WWC2: variants seen among roughly 807,000 people sequenced by gnomAD.
The protein encoded by WWC2 is WW and C2 domain containing 2, also known as protein WWC2.
A neutral mutation model predicts 138.5 loss-of-function variants in WWC2; 101 were observed. The observed-to-expected ratio is 0.73, with a 90% confidence interval of 0.62 to 0.86. The LOEUF (loss-of-function observed/expected upper bound fraction) is 0.86, where lower values mean the gene tolerates loss of function less well. Ranked by LOEUF, WWC2 falls within the 40% of genes least tolerant of loss-of-function variation. The pLI is 0.00. For missense variants in WWC2, 1,420 were observed against 1,419.4 expected (o/e 1.00, Z -0.01); for synonymous variants, 558 against 538.4 (o/e 1.04, Z -0.50).
At chr4:183,284,552 G>A (rs891773942) in intron 19 of WWC2, among the ~76,000 whole-genome samples, 162 bp downstream of exon 19, 3 of 152,188 alleles carry the variant, frequency 2.0e-5, no homozygotes, top group African/African-American at 7.2e-5. Context: ...CGTGCTTATG[G>A]TCCCTTTTAG....
intron 1 of WWC2, among the ~76,000 whole-genome samples, chr4:183,191,882 A>G (rs940426698): frequency 1.3e-5 from 2 of 151,714 alleles, no homozygotes; most frequent in African/African-American, 4.8e-5. Flanking sequence ...CATGAGCCAC[A>G]ATGCCTGGCT....
chr4:183,298,433 G>A (rs991708809), intron 21 of WWC2, among the ~76,000 whole-genome samples: 1 of 152,140 alleles, frequency 6.6e-6, no homozygotes, highest in African/African-American at 2.4e-5. Context: ...TGAGGTCCCT[G>A]TTTAGGGTCC....
intron 1 of WWC2, among the ~76,000 whole-genome samples, chr4:183,119,659 A>G (rs575671339): frequency 1.3e-5 from 2 of 152,322 alleles, no homozygotes; most frequent in South Asian, 4.1e-4. Context: ...CTAAAAATGG[A>G]CTTTTTTTTG....
In WWC2 at chr4:183,319,971, A is replaced by C. The variant is rs1364202734; in HGVS notation, c.*4242A>C. ...TCCCAGCCCATTTGACAGAAACATT[A>C]AGATCCTGGAGACCCTGAGTTCAGC... On this transcript the variant is annotated 3_prime_UTR_variant, in exon 23 of 23. Transcript: ENST00000403733. 2.5e-6 allele frequency: 4 copies of C among 1,613,454 alleles called. No homozygotes were observed. In the African/African-American group the frequency reaches 4.0e-5, roughly 16 times the overall value.
At chr4:183,140,937 G>A (rs1561433289) in intron 1 of WWC2, among the ~76,000 whole-genome samples, 2 of 152,156 alleles carry the variant, frequency 1.3e-5, no homozygotes, top group African/African-American at 4.8e-5. Context: ...TGAAATGAGG[G>A]TACTAGTCAT....
intron 4 of WWC2, among the ~76,000 whole-genome samples, chr4:183,223,964 C>T (rs1735997336): frequency 6.6e-6 from 1 of 152,068 alleles, no homozygotes; most frequent in Non-Finnish European, 1.5e-5. Flanking sequence ...CTCCTGACCT[C>T]AGGCTATCCC....
At position 183,319,998 on chromosome 4, in the gene WWC2, G is replaced by T; in HGVS notation, c.*4269G>T. ...GATCCTGGAGACCCTGAGTTCAGCA[G>T]GCAAAGCCAGGAAGGAGTCAAAGTC... On this transcript the variant is annotated 3_prime_UTR_variant, in exon 23 of 23. Coordinates refer to ENST00000403733, the MANE Select transcript of WWC2 (RefSeq NM_024949.6). 3 of 1,613,824 alleles carry T rather than the reference G, an allele frequency of 1.9e-6. No homozygotes were observed. Among genetic ancestry groups the T allele is most frequent in the Non-Finnish European group, 2.5e-6 (3 of 1,179,816 alleles).
chr4:183,137,917 T>G (rs552316256), intron 1 of WWC2, among the ~76,000 whole-genome samples: 1 of 152,314 alleles, frequency 6.6e-6, no homozygotes, highest in African/African-American at 2.4e-5. Context: ...TACCTTTGTT[T>G]CCTTGTATGT....
chr4:183,181,349 C>A lies in WWC2; in HGVS notation c.132-12250C>A, dbSNP rs564408946. Among the ~76,000 whole-genome samples the A allele has an allele frequency of 9.2e-5, 14 of 152,224 alleles. No homozygotes were observed. The East Asian group carries it at 2.7e-3, about 29-fold the overall frequency. ...TACACTGTGGGACCCATACAAAGTG[C>A]CACTTGTGATGCTGGAAGTGCTCCC... On this transcript the variant is annotated intron_variant, in intron 1 of 22. Coordinates refer to ENST00000403733, the MANE Select transcript of WWC2 (RefSeq NM_024949.6).
At chr4:183,147,661 C>T (rs1207281090) in intron 1 of WWC2, among the ~76,000 whole-genome samples, 1 of 152,162 alleles carries the variant, frequency 6.6e-6, no homozygotes, top group Non-Finnish European at 1.5e-5. Flanking sequence ...TAGGATCAAG[C>T]TGAAATGTTA....
At chr4:183,283,609 G>A (rs778946819) in intron 18 of WWC2, among the ~76,000 whole-genome samples, 2 of 152,166 alleles carry the variant, frequency 1.3e-5, no homozygotes, top group Non-Finnish European at 2.9e-5. Context: ...ATAAAAAATA[G>A]ACATCTGCCT....
intron 4 of WWC2, among the ~76,000 whole-genome samples, chr4:183,210,876 C>T (rs1271951594): frequency 6.6e-6 from 1 of 152,180 alleles, no homozygotes; most frequent in Non-Finnish European, 1.5e-5. Context: ...CAGTGCGAGA[C>T]ATACCGTCTT....
At chr4:183,221,923 A>G (rs1368632336) in intron 4 of WWC2, among the ~76,000 whole-genome samples, 1 of 152,230 alleles carries the variant, frequency 6.6e-6, no homozygotes, top group Non-Finnish European at 1.5e-5. Context: ...AAATGAAAGC[A>G]TATACCCATA....
intron 4 of WWC2, among the ~76,000 whole-genome samples, chr4:183,236,514 A>G (rs1388417691): frequency 6.6e-6 from 1 of 152,222 alleles, no homozygotes; most frequent in African/African-American, 2.4e-5. Flanking sequence ...TCAGCGGTCT[A>G]TGAGTGGTTG....
In WWC2 at chr4:183,284,382, A is replaced by G; in HGVS notation, c.3040A>G (p.Ile1014Val). The change falls in exon 19 of 23, where the codon ATC (isoleucine) becomes GTC (valine). Residue 1014 changes from isoleucine to valine, a missense_variant. Coordinates refer to ENST00000403733, the MANE Select transcript of WWC2 (RefSeq NM_024949.6). Reference sequence around the variant, plus strand: ...TTCTCCAGGAGAGCGGAACCAGTACATCTGCAGGGTAAGGTGGCAGTGCTC... The same window carrying G: ...TTCTCCAGGAGAGCGGAACCAGTACGTCTGCAGGGTAAGGTGGCAGTGCTC... The part of the protein sequence containing the change: ...TFSPGERNQY[I>V]CRLNRSDSDS... 6.2e-7 allele frequency: 1 copy of G among 1,612,212 alleles called. No homozygotes were observed. The highest frequency in any genetic ancestry group is 8.5e-7 in the Non-Finnish European group (1 of 1,179,760).
intron 1 of WWC2, among the ~76,000 whole-genome samples, chr4:183,141,547 C>T (rs1309405716): frequency 6.6e-6 from 1 of 152,138 alleles, no homozygotes; most frequent in Non-Finnish European, 1.5e-5. Flanking sequence ...ATCCTCTAAG[C>T]CGAGATGATT....
chr4:183,298,945 T>A (rs927919314), intron 21 of WWC2, among the ~76,000 whole-genome samples: 1 of 152,176 alleles, frequency 6.6e-6, no homozygotes, highest in Non-Finnish European at 1.5e-5. Context: ...CAGAGTGCAG[T>A]CTTACACAGG....
chr4:183,269,017 C>T lies in WWC2; in HGVS notation c.2254C>T (p.Leu752=). 6.2e-7 allele frequency: 1 copy of T among 1,613,860 alleles called. No individual in the cohort carries two copies. The highest frequency in any genetic ancestry group is 8.5e-7 in the Non-Finnish European group (1 of 1,179,850). ...TCCTTCCTCAACTGATGTCAGCTGT[C>T]TGTTTCGCACAAAAGTTCATCCGCC... ...VLPSSTDVSC[L]FRTKVHPPTE... The change falls in exon 15 of 23, where the codon CTG becomes TTG. Residue 752 remains leucine, a synonymous_variant. Coordinates refer to ENST00000403733, the MANE Select transcript of WWC2 (RefSeq NM_024949.6).
At chr4:183,218,147 C>T (rs534682176) in intron 4 of WWC2, among the ~76,000 whole-genome samples, 19 of 152,028 alleles carry the variant, frequency 1.2e-4, no homozygotes, top group African/African-American at 4.1e-4. Flanking sequence ...GATTTCTATA[C>T]GTAGTGAAAA....
Sources: gnomAD v4.1 joint callset for allele counts (sites outside exome capture counted in the v4.1 genomes callset) on GRCh38, gnomAD v4.1.1 for gene constraint, MANE v1.5 for transcripts, NCBI Gene and HGNC (gene_info 2026-07-23, HGNC 2026-07-21) for gene names.